Variants in SLC24A4 observed in about 807,000 individuals in gnomAD.
SLC24A4 encodes sodium/potassium/calcium exchanger 4.
SLC24A4 carries 53 observed loss-of-function variants against 79.0 expected under a neutral mutation model. The observed-to-expected ratio is 0.67, with a 90% CI of 0.54 to 0.84. The LOEUF is 0.84. Ranked by LOEUF, SLC24A4 falls within the 40% of genes least tolerant of loss-of-function variation. The pLI, the probability that SLC24A4 is intolerant of heterozygous loss-of-function variation, is 0.00. For missense variants in SLC24A4, 731 were observed against 822.0 expected (o/e 0.89, Z 1.35); for synonymous variants, 323 against 323.8 (o/e 1.00, Z 0.03).
Position 92,456,535 on chromosome 14 carries a change from G to A in SLC24A4, c.1182G>A (p.Gln394=). 2 of 1,613,534 alleles carry A rather than the reference G, an allele frequency of 1.2e-6. No individual in the cohort carries two copies. Among genetic ancestry groups the A allele is most frequent in the Non-Finnish European group, 8.5e-7 (1 of 1,179,908 alleles). The change falls in exon 12 of 17, where the codon CAG becomes CAA. Residue 394 remains glutamine (Q), a synonymous_variant. Coordinates refer to ENST00000532405, the MANE Select transcript of SLC24A4 (RefSeq NM_153646.4). ...ACCCTCAGCAGAATCAGGAGCAGCA[G>A]CCGCCGCCACAGCCACCACCGCCAG... ...PEDPQQNQEQ[Q]PPPQPPPPEP...
intron 2 of SLC24A4, among the ~76,000 whole-genome samples, chr14:92,331,238 G>C (rs1197550267): frequency 6.6e-6 from 1 of 152,122 alleles, no homozygotes; most frequent in East Asian, 1.9e-4. Flanking sequence ...GGCTGTCATG[G>C]CATCTTGTTT....
chr14:92,333,430 ACTATGTGACCCCTTTTGGTTTGGGTTT>A (rs1421818074), intron 2 of SLC24A4, among the ~76,000 whole-genome samples: 1 of 152,128 alleles, frequency 6.6e-6, no homozygotes, highest in African/African-American at 2.4e-5. Context: ...TTCATTCTCC[ACTATGTGACCCCTTTTGGTTTGGGTTT>A]CCAATGTCCT....
chr14:92,341,301 G>T (rs1886128084), intron 2 of SLC24A4, among the ~76,000 whole-genome samples: 1 of 152,168 alleles, frequency 6.6e-6, no homozygotes, highest in Non-Finnish European at 1.5e-5. Context: ...ACAATACTCT[G>T]AGAGGATGCT....
chr14:92,344,682 G>C (rs1287218925), intron 2 of SLC24A4, among the ~76,000 whole-genome samples: 1 of 152,154 alleles, frequency 6.6e-6, no homozygotes, highest in Non-Finnish European at 1.5e-5. Context: ...GGAGGGCTGA[G>C]ACAGTGAAAG....
chr14:92,389,293 A>G (rs939067318), intron 2 of SLC24A4, among the ~76,000 whole-genome samples: 1 of 152,128 alleles, frequency 6.6e-6, no homozygotes, highest in South Asian at 2.1e-4. Flanking sequence ...CTGTTTTCTT[A>G]CTAAGTGCTC....
intron 12 of SLC24A4, among the ~76,000 whole-genome samples, chr14:92,479,691 C>T (rs1482752216): frequency 3.3e-5 from 5 of 152,068 alleles, no homozygotes; most frequent in African/African-American, 9.7e-5. Flanking sequence ...TCTTTGTCTG[C>T]GTTTGGTATC....
chr14:92,439,798 A>G (rs1471512396), intron 4 of SLC24A4, among the ~76,000 whole-genome samples: 3 of 152,116 alleles, frequency 2.0e-5, no homozygotes, highest in African/African-American at 7.2e-5. Flanking sequence ...CCACCCCGCC[A>G]GGGGGACGCC....
chr14:92,453,875 C>A, intron 10 of SLC24A4, 25 bp from the exon 11 acceptor site: 1 of 1,591,812 alleles, frequency 6.3e-7, no homozygotes, highest in Admixed American at 1.8e-5. Flanking sequence ...GAGATCAGCA[C>A]TAATCACGGT....
At chr14:92,445,168 G>T in intron 7 of SLC24A4, 149 bp from the exon 8 acceptor site, 1 of 864,488 alleles carries the variant, frequency 1.2e-6, no homozygotes, top group South Asian at 1.4e-5. Flanking sequence ...CTAAGGAAAG[G>T]CCCGTAGGTG....
rs186610969 is a variant in SLC24A4, at chr14:92,418,552, A to T, written c.242-15360A>T. On this transcript the variant is annotated intron_variant, in intron 2 of 16. Transcript: ENST00000532405. Reference sequence around the variant, plus strand: ...TTTTAAAGAATTAATTCATATGATTATAGGGGCTGGCAAGTCCAAAATCTG... The same window carrying T: ...TTTTAAAGAATTAATTCATATGATTTTAGGGGCTGGCAAGTCCAAAATCTG... Among the ~76,000 whole-genome samples, 605 of 152,308 alleles carry T rather than the reference A, an allele frequency of 4.0e-3. 5 individuals are homozygous for T. Among genetic ancestry groups the T allele is most frequent in the Middle Eastern group, 0.017 (5 of 292 alleles).
At chr14:92,403,197 C>A (rs1017923060) in intron 2 of SLC24A4, among the ~76,000 whole-genome samples, 1 of 152,102 alleles carries the variant, frequency 6.6e-6, no homozygotes, top group Non-Finnish European at 1.5e-5. Context: ...GCAGCCTCTT[C>A]TCAGCAGTAA....
chr14:92,462,486 T>G (rs1045867426), intron 12 of SLC24A4: 19 of 152,216 alleles, frequency 1.2e-4, no homozygotes, highest in African/African-American at 4.6e-4. Flanking sequence ...CAACCTCCGC[T>G]TCCCGGGTTC....
chr14:92,445,676 G>C (rs1399802075), intron 8 of SLC24A4, among the ~76,000 whole-genome samples: 4 of 152,212 alleles, frequency 2.6e-5, no homozygotes, highest in Non-Finnish European at 4.4e-5. Context: ...GGACATTGCA[G>C]AGATGTCATA....
At position 92,361,003 on chromosome 14, in the gene SLC24A4, G is replaced by A. The variant is rs1348747499; in HGVS notation, c.241+35025G>A. 2.6e-5 allele frequency among the ~76,000 whole-genome samples: 4 copies of A among 152,158 alleles called. No homozygotes were observed. The East Asian group carries it at 5.8e-4, about 22-fold the overall frequency. On this transcript the variant is annotated intron_variant, in intron 2 of 16. Transcript: ENST00000532405. ...TTTAAATGCACGTTTGAAATGAAAGGGAACAGTTTAATCTTTAAAAAGGAG... is the reference window on the plus strand; with the variant it reads ...TTTAAATGCACGTTTGAAATGAAAGAGAACAGTTTAATCTTTAAAAAGGAG...
intron 2 of SLC24A4, among the ~76,000 whole-genome samples, chr14:92,331,276 A>T (rs896021206): frequency 1.3e-5 from 2 of 151,926 alleles, no homozygotes; most frequent in African/African-American, 4.8e-5. Context: ...CTAATTCTTA[A>T]TTTTATTTAT....
intron 2 of SLC24A4, among the ~76,000 whole-genome samples, chr14:92,403,618 A>C (rs1890226264): frequency 6.7e-6 from 1 of 149,718 alleles, no homozygotes. Context: ...AAAAAAAAAA[A>C]AAAAGCTCTG....
rs369623194 is a variant in SLC24A4, at chr14:92,443,923, C to T, written c.657+449C>T. ...CACAGGGCAGCTCTCAGCTGGGTGG[C>T]GGGCTTCCCTCAGAGCGAGGGCCAG... On this transcript the variant is annotated intron_variant, in intron 7 of 16. Transcript: ENST00000532405. Among the ~76,000 whole-genome samples the T allele has an allele frequency of 6.3e-3, 963 of 152,214 alleles. 11 individuals are homozygous for T. The highest frequency in any genetic ancestry group is 0.021 in the African/African-American group (870 of 41,534).
In SLC24A4 at chr14:92,449,260, G is replaced by A; in HGVS notation, c.880+44G>A. On this transcript the variant is annotated intron_variant, in intron 10 of 16. Coordinates refer to ENST00000532405, the MANE Select transcript of SLC24A4 (RefSeq NM_153646.4). ...GAGTGGGCAGAAATGTGTCCTGGAA[G>A]CCACTCTCTCCTCTTTTGTGTACAC... 4 of 1,595,740 alleles carry A rather than the reference G, an allele frequency of 2.5e-6. No homozygotes were observed. The South Asian group carries it at 4.5e-5, about 18-fold the overall frequency.
chr14:92,373,391 C>G (rs1888317513), intron 2 of SLC24A4, among the ~76,000 whole-genome samples: 1 of 152,110 alleles, frequency 6.6e-6, no homozygotes, highest in Non-Finnish European at 1.5e-5. Context: ...AGGAGAATAG[C>G]TTTGGCCAGG....
Sources: allele counts gnomAD v4.1 joint callset (sites outside exome capture counted in the v4.1 genomes callset), GRCh38; gene constraint gnomAD v4.1.1; transcripts MANE v1.5; gene names NCBI Gene and HGNC (gene_info 2026-07-23, HGNC 2026-07-21).